Variants in ATP6V1C1 observed in about 807,000 individuals in gnomAD.
ATP6V1C1 encodes the protein V-type proton ATPase subunit C 1.
Under a neutral mutation model 53.9 loss-of-function variants are expected in ATP6V1C1, and 45 were observed. The observed-to-expected ratio is 0.83, with a 90% confidence interval of 0.66 to 1.07. The LOEUF (loss-of-function observed/expected upper bound fraction) is 1.07, where lower values mean the gene tolerates loss of function less well. Among genes scored for constraint, ATP6V1C1 ranks in the 50% least tolerant of loss-of-function variants. ATP6V1C1 has a pLI of 0.00. For synonymous variants in ATP6V1C1, 153 were observed against 155.2 expected (o/e 0.99, Z 0.11); for missense variants, 315 against 440.3 (o/e 0.72, Z 2.55).
chr8:103,042,087 T>A (rs1817011117), intron 2 of ATP6V1C1, among the ~76,000 whole-genome samples: 1 of 152,188 alleles, frequency 6.6e-6, no homozygotes. Flanking sequence ...TGTCATTGAA[T>A]AGTACAAGCA....
At chr8:103,050,018 C>T (rs7003369) in intron 4 of ATP6V1C1, among the ~76,000 whole-genome samples, 9,474 of 152,036 alleles carry the variant, frequency 0.062, 976 homozygotes, top group African/African-American at 0.21. Flanking sequence ...TCTACAGGAT[C>T]ACCTACTCTA....
intron 1 of ATP6V1C1, among the ~76,000 whole-genome samples, chr8:103,033,306 A>G (rs1816831060): frequency 6.6e-6 from 1 of 152,206 alleles, no homozygotes; most frequent in African/African-American, 2.4e-5. Context: ...AACTCTTACA[A>G]TGGGTGCATT....
rs1817556613 is a variant in ATP6V1C1, at chr8:103,069,923, A to T, written c.*1176A>T. On this transcript the variant is annotated 3_prime_UTR_variant, in exon 13 of 13. Coordinates refer to ENST00000518738, the MANE Select transcript of ATP6V1C1 (RefSeq NM_001695.5). ...TAATTTCAAGCAAATACAGACATCC[A>T]CAATGTAGAACATGAGAGACCCCCT... 1 of 152,220 alleles carries T rather than the reference A, an allele frequency of 6.6e-6. No homozygotes were observed. The highest frequency in any genetic ancestry group is 2.4e-5 in the African/African-American group (1 of 41,448). The allele number at this position is 152,220 out of a possible 1,614,324, so 9.4% of individuals were successfully genotyped here. A position where few individuals can be genotyped will look rare whatever the true frequency, so the allele number is the denominator to read the frequency against.
intron 1 of ATP6V1C1, among the ~76,000 whole-genome samples, chr8:103,032,668 G>A (rs1175758867): frequency 6.6e-6 from 1 of 151,988 alleles, no homozygotes; most frequent in African/African-American, 2.4e-5. Flanking sequence ...AGTAGAGACA[G>A]GGTTTCAGCA....
chr8:103,068,510 A>C (rs1033855005), intron 12 of ATP6V1C1, 142 bp from the exon 13 acceptor site: 2 of 510,134 alleles, frequency 3.9e-6, no homozygotes, highest in African/African-American at 4.0e-5. Flanking sequence ...AATGGGAATA[A>C]TGTCTAACTC....
rs1434559403 is a variant in ATP6V1C1 at position 103,069,644 on chromosome 8, C to T, written c.*897C>T. 3 of 152,082 alleles carry T rather than the reference C, an allele frequency of 2.0e-5. No homozygotes were observed. The highest frequency in any genetic ancestry group is 7.2e-5 in the African/African-American group (3 of 41,416). The allele number at this position is 152,082 out of a possible 1,614,324, so 9.4% of individuals were successfully genotyped here. ...AGATCTATAATTTTGGCATTTATGT[C>T]ATTTGTGACATAGTCTGAAAATAGA... On this transcript the variant is annotated 3_prime_UTR_variant, in exon 13 of 13. Coordinates refer to ENST00000518738, the MANE Select transcript of ATP6V1C1 (RefSeq NM_001695.5).
chr8:103,034,074 G>A (rs188326924), intron 1 of ATP6V1C1, among the ~76,000 whole-genome samples: 13 of 152,238 alleles, frequency 8.5e-5, no homozygotes, highest in Admixed American at 8.5e-4. Flanking sequence ...GCTGCAGAGG[G>A]CCCTGGGCTG....
intron 8 of ATP6V1C1, among the ~76,000 whole-genome samples, chr8:103,062,161 GTTTTTTTT>G (rs767825523): frequency 4.2e-5 from 3 of 70,744 alleles, no homozygotes; most frequent in African/African-American, 1.2e-4. Flanking sequence ...GTTCATCAGG[GTTTTTTTT>G]TTTTTTTTTT....
At chr8:103,040,476 A>G (rs1003016845) in intron 1 of ATP6V1C1, among the ~76,000 whole-genome samples, 12 of 152,160 alleles carry the variant, frequency 7.9e-5, no homozygotes, top group Non-Finnish European at 1.8e-4. Flanking sequence ...TGTTGGTTGA[A>G]GGAAACTATT....
chr8:103,067,602 T>C (rs912460588), intron 12 of ATP6V1C1, among the ~76,000 whole-genome samples: 15 of 148,062 alleles, frequency 1.0e-4, no homozygotes, highest in South Asian at 6.5e-4. Context: ...CTTTTTCTTT[T>C]TTTTTTTTTT....
At chr8:103,036,336 C>G (rs1339974603) in intron 1 of ATP6V1C1, among the ~76,000 whole-genome samples, 1 of 152,100 alleles carries the variant, frequency 6.6e-6, no homozygotes, top group Non-Finnish European at 1.5e-5. Flanking sequence ...TTAGAAGGCA[C>G]CTTTTCCTTC....
intron 11 of ATP6V1C1, 115 bp downstream of exon 11, chr8:103,064,926 G>A (rs879209832): frequency 3.5e-6 from 3 of 846,156 alleles, no homozygotes; most frequent in South Asian, 4.1e-5. Context: ...AAATCAAAGG[G>A]CCAATCATGA....
chr8:103,021,476 G>A (rs1442637423), intron 1 of ATP6V1C1: 1 of 152,478 alleles, frequency 6.6e-6, no homozygotes, highest in Non-Finnish European at 1.5e-5. Flanking sequence ...CAGGCAGAAA[G>A]GAGAGATACA....
chr8:103,058,396 A>G (rs1250911107), intron 8 of ATP6V1C1, among the ~76,000 whole-genome samples: 2 of 152,244 alleles, frequency 1.3e-5, no homozygotes, highest in African/African-American at 2.4e-5. Context: ...CACTAGCTCA[A>G]ATAGCACCAT....
chr8:103,025,593 T>C (rs979774573), intron 1 of ATP6V1C1, among the ~76,000 whole-genome samples: 1 of 152,264 alleles, frequency 6.6e-6, no homozygotes, highest in Non-Finnish European at 1.5e-5. Flanking sequence ...TTGAGGCACT[T>C]GTCTTTTGTA....
At chr8:103,047,430 G>T (rs13273597) in intron 3 of ATP6V1C1, among the ~76,000 whole-genome samples, 1 of 104,948 alleles carries the variant, frequency 9.5e-6, no homozygotes, top group Admixed American at 1.1e-4. Context: ...AAATGCGCGC[G>T]CACACACACA....
At chr8:103,034,251 C>T (rs1816851759) in intron 1 of ATP6V1C1, among the ~76,000 whole-genome samples, 1 of 152,040 alleles carries the variant, frequency 6.6e-6, no homozygotes, top group Admixed American at 6.6e-5. Context: ...AATCAGGGTG[C>T]CTTTTTGATC....
chr8:103,061,694 T>C (rs141434718), intron 8 of ATP6V1C1, among the ~76,000 whole-genome samples: 136 of 152,322 alleles, frequency 8.9e-4, no homozygotes, highest in African/African-American at 3.2e-3. Context: ...TACAGTTTTC[T>C]GTATAACGAT....
At chr8:103,059,388 C>T (rs1817351986) in intron 8 of ATP6V1C1, among the ~76,000 whole-genome samples, 3 of 152,118 alleles carry the variant, frequency 2.0e-5, no homozygotes, top group Non-Finnish European at 4.4e-5. Context: ...GTAACTGACA[C>T]TATCACCCCA....
Sources: allele counts gnomAD v4.1 joint callset (sites outside exome capture counted in the v4.1 genomes callset), GRCh38; gene constraint gnomAD v4.1.1; transcripts MANE v1.5; gene names NCBI Gene and HGNC (gene_info 2026-07-23, HGNC 2026-07-21).